DIAPH2: variants seen among roughly 807,000 people sequenced by gnomAD.
The protein encoded by DIAPH2 is protein diaphanous homolog 2.
DIAPH2 carries 35 observed loss-of-function variants against 92.7 expected under a neutral mutation model. That is an observed-to-expected ratio of 0.38 (90% CI 0.29 to 0.50). DIAPH2 has a LOEUF of 0.50. Ranked by LOEUF, DIAPH2 falls within the 20% of genes least tolerant of loss-of-function variation. The pLI is 0.94. For synonymous variants in DIAPH2, 301 were observed against 280.4 expected, an observed-to-expected ratio of 1.07 and a Z score of -0.73; for missense variants, 701 against 819.5, an observed-to-expected ratio of 0.86 and a Z score of 1.77.
chrX:96,992,530 T>C (rs2066079311), intron 17 of DIAPH2, among the ~76,000 whole-genome samples: 1 of 112,163 alleles, frequency 8.9e-6, no homozygotes, highest in Non-Finnish European at 1.9e-5. Flanking sequence ...CTGAGCATAT[T>C]ATATCTCATA....
chrX:97,566,548 A>G (rs1474017368), intron 26 of DIAPH2, among the ~76,000 whole-genome samples: 1 of 111,933 alleles, frequency 8.9e-6, no homozygotes, highest in Non-Finnish European at 1.9e-5. Context: ...ATTTGTCAAC[A>G]AATTTAATTA....
At chrX:97,331,273 A>T (rs1316863982) in intron 23 of DIAPH2, among the ~76,000 whole-genome samples, 1 of 112,197 alleles carries the variant, frequency 8.9e-6, no homozygotes, top group Non-Finnish European at 1.9e-5. Context: ...ACTGTATTCA[A>T]ATAGCTTCTT....
intron 4 of DIAPH2, among the ~76,000 whole-genome samples, chrX:96,794,216 T>A (rs1293735462): frequency 9.0e-6 from 1 of 111,294 alleles, no homozygotes; most frequent in Non-Finnish European, 1.9e-5. Flanking sequence ...TCCATCCTCA[T>A]GAAATAGTTG....
At chrX:97,563,822 C>T (rs2071309410) in intron 26 of DIAPH2, among the ~76,000 whole-genome samples, 1 of 109,785 alleles carries the variant, frequency 9.1e-6, no homozygotes, top group Admixed American at 9.7e-5. Flanking sequence ...TGACTGGTAA[C>T]CATTCTGTGA....
chrX:96,721,472 C>G (rs777307280), intron 1 of DIAPH2, among the ~76,000 whole-genome samples: 2 of 112,133 alleles, frequency 1.8e-5, no homozygotes, highest in Non-Finnish European at 3.8e-5. Flanking sequence ...CTAATGAACA[C>G]AAAGCCTGTG....
At chrX:97,451,727 T>A (rs1157946878) in intron 26 of DIAPH2, among the ~76,000 whole-genome samples, 1 of 111,466 alleles carries the variant, frequency 9.0e-6, no homozygotes, top group Non-Finnish European at 1.9e-5. Flanking sequence ...CAATATAGAA[T>A]AAGTCTGATA....
chrX:97,294,002 G>T (rs1442037235), intron 23 of DIAPH2, among the ~76,000 whole-genome samples: 1 of 112,225 alleles, frequency 8.9e-6, no homozygotes, highest in African/African-American at 3.2e-5. Flanking sequence ...ATGTATAGGG[G>T]AGATCTTATA....
chrX:97,357,618 C>G (rs1388306242), intron 24 of DIAPH2, among the ~76,000 whole-genome samples: 1 of 111,258 alleles, frequency 9.0e-6, no homozygotes, highest in African/African-American at 3.3e-5. Context: ...TCTCCATACC[C>G]TCGTGATTAA....
At chrX:96,992,486 A>G (rs1224089319) in intron 17 of DIAPH2, among the ~76,000 whole-genome samples, 3 of 112,128 alleles carry the variant, frequency 2.7e-5, no homozygotes, top group Non-Finnish European at 5.6e-5. Flanking sequence ...AGCTTTCCTG[A>G]CAAAAATCAG....
intron 4 of DIAPH2, among the ~76,000 whole-genome samples, chrX:96,863,881 G>C (rs1419492994): frequency 9.0e-6 from 1 of 111,095 alleles, no homozygotes; most frequent in Non-Finnish European, 1.9e-5. Flanking sequence ...GGGCAACATG[G>C]GGAAAGCCTG....
At chrX:96,718,000 G>T (rs193052216) in intron 1 of DIAPH2, among the ~76,000 whole-genome samples, 146 of 105,492 alleles carry the variant, frequency 1.4e-3, no homozygotes, top group Non-Finnish European at 2.2e-3. Flanking sequence ...CAATAAACTT[G>T]TTGACTGTAG....
chrX:97,151,868 G>A (rs957714182), intron 22 of DIAPH2, among the ~76,000 whole-genome samples: 4 of 111,497 alleles, frequency 3.6e-5, no homozygotes, highest in African/African-American at 1.3e-4. Context: ...GGACATACTT[G>A]ATACAAGAGG....
At chrX:96,703,260 A>C (rs2063865473) in intron 1 of DIAPH2, among the ~76,000 whole-genome samples, 1 of 111,837 alleles carries the variant, frequency 8.9e-6, no homozygotes, top group South Asian at 3.8e-4. Context: ...CAGAGCTTAC[A>C]ATCATATCTT....
At chrX:97,021,567 A>G (rs1308374331) in intron 17 of DIAPH2, among the ~76,000 whole-genome samples, 3 of 112,126 alleles carry the variant, frequency 2.7e-5, no homozygotes, top group South Asian at 3.8e-4. Flanking sequence ...TAATATTACA[A>G]AAGACTCTCC....
chrX:97,411,542 A>C (rs993731762), intron 25 of DIAPH2, among the ~76,000 whole-genome samples: 3 of 112,026 alleles, frequency 2.7e-5, no homozygotes, highest in Non-Finnish European at 3.8e-5. Context: ...GATCAAATTC[A>C]CAAATAACAA....
At chrX:96,693,469 T>C (rs1310212668) in intron 1 of DIAPH2, among the ~76,000 whole-genome samples, 1 of 112,299 alleles carries the variant, frequency 8.9e-6, no homozygotes, top group Admixed American at 9.4e-5. Flanking sequence ...TTTACAAAGA[T>C]TCTATATGTA....
intron 17 of DIAPH2, among the ~76,000 whole-genome samples, chrX:97,031,247 A>G (rs914132265): frequency 1.0e-5 from 1 of 99,805 alleles, no homozygotes; most frequent in Non-Finnish European, 2.0e-5. Context: ...GCCACTGGCT[A>G]TTGGAGCCTG....
chrX:96,945,389 A>G, intron 13 of DIAPH2, 138 bp from the exon 14 acceptor site: 1 of 434,106 alleles, frequency 2.3e-6, no homozygotes, highest in Non-Finnish European at 4.0e-6. Flanking sequence ...TGTTTTATGT[A>G]TAGTATAGGT....
At chrX:97,139,849 C>T (rs2067198215) in intron 21 of DIAPH2, among the ~76,000 whole-genome samples, 1 of 107,625 alleles carries the variant, frequency 9.3e-6, no homozygotes, top group South Asian at 3.9e-4. Flanking sequence ...ACACATGTGA[C>T]AAAGAAAAAA....
Sources: allele counts gnomAD v4.1 joint callset (sites outside exome capture counted in the v4.1 genomes callset), GRCh38; gene constraint gnomAD v4.1.1; transcripts MANE v1.5; gene names NCBI Gene and HGNC (gene_info 2026-07-23, HGNC 2026-07-21).